Variants in CDH13 observed in about 807,000 individuals in gnomAD.
The protein encoded by CDH13 is cadherin 13, also known as cadherin-13.
In CDH13, 24 loss-of-function variants were observed where a neutral mutation model predicts 63.8. The observed-to-expected ratio is 0.38, with a 90% confidence interval of 0.27 to 0.53. The LOEUF is 0.53. Ranked by LOEUF, CDH13 falls within the 20% of genes least tolerant of loss-of-function variation. The probability of loss-of-function intolerance (pLI) is 0.85; values close to 1 mark genes in which losing one functional copy is unlikely to be tolerated. For synonymous variants in CDH13, 503 were observed against 355.3 expected (o/e 1.42, Z -4.67); for missense variants, 1,049 against 903.1 (o/e 1.16, Z -2.07).
At chr16:82,981,964 T>G (rs143240565) in intron 2 of CDH13, among the ~76,000 whole-genome samples, 2 of 152,312 alleles carry the variant, frequency 1.3e-5, no homozygotes, top group African/African-American at 4.8e-5. Flanking sequence ...CTCTTAACCT[T>G]GCTGTCTGAA....
chr16:83,520,649 A>G (rs557910092), intron 7 of CDH13, among the ~76,000 whole-genome samples: 1 of 152,306 alleles, frequency 6.6e-6, no homozygotes, highest in Admixed American at 6.5e-5. Flanking sequence ...TTGCCGCTCA[A>G]TTGCCAATTT....
intron 1 of CDH13, among the ~76,000 whole-genome samples, chr16:82,715,952 G>A (rs1024903267): frequency 1.3e-5 from 2 of 152,198 alleles, no homozygotes; most frequent in African/African-American, 4.8e-5. Flanking sequence ...CTCTTTGGTA[G>A]AAACTAAGCC....
intron 6 of CDH13, among the ~76,000 whole-genome samples, chr16:83,439,092 T>A (rs75059886): frequency 1.3e-5 from 2 of 152,240 alleles, no homozygotes; most frequent in Non-Finnish European, 2.9e-5. Context: ...TTCCAATAGC[T>A]ATGTGATCTT....
chr16:82,749,032 T>C (rs1283542669), intron 1 of CDH13, among the ~76,000 whole-genome samples: 1 of 152,200 alleles, frequency 6.6e-6, no homozygotes, highest in African/African-American at 2.4e-5. Flanking sequence ...AGTGTTGGCC[T>C]TCTCACTCCC....
intron 3 of CDH13, among the ~76,000 whole-genome samples, chr16:83,116,166 G>C (rs1371369623): frequency 1.3e-5 from 2 of 152,238 alleles, no homozygotes; most frequent in Non-Finnish European, 2.9e-5. Context: ...ACAAAAGTGA[G>C]CACTTCTTCG....
intron 6 of CDH13, among the ~76,000 whole-genome samples, chr16:83,480,639 C>A (rs1039386492): frequency 2.6e-5 from 4 of 152,146 alleles, no homozygotes; most frequent in Non-Finnish European, 5.9e-5. Context: ...GACGAAGAGA[C>A]GTGTCTACAC....
chr16:82,934,269 G>A (rs1597244086), intron 2 of CDH13, among the ~76,000 whole-genome samples: 1 of 152,212 alleles, frequency 6.6e-6, no homozygotes, highest in Admixed American at 6.5e-5. Context: ...AACACCACAT[G>A]GAAGCTGCCA....
chr16:83,294,614 G>GTATATA (rs200692863), intron 5 of CDH13, among the ~76,000 whole-genome samples: 80 of 119,574 alleles, frequency 6.7e-4, no homozygotes, highest in African/African-American at 2.1e-3. Context: ...GTGTGTGTGT[G>GTATATA]TGTGTATATA....
intron 8 of CDH13, among the ~76,000 whole-genome samples, chr16:83,609,440 T>G (rs1908658639): frequency 6.6e-6 from 1 of 152,236 alleles, no homozygotes. Flanking sequence ...GTATGAGGCA[T>G]ATTATGAGTT....
intron 11 of CDH13, among the ~76,000 whole-genome samples, chr16:83,774,274 G>A (rs1189359416): frequency 1.3e-5 from 2 of 152,154 alleles, no homozygotes; most frequent in East Asian, 1.9e-4. Flanking sequence ...TACCCAGCCT[G>A]ACTATGACAC....
At chr16:83,168,531 C>T (rs1206762021) in intron 4 of CDH13, among the ~76,000 whole-genome samples, 2 of 151,838 alleles carry the variant, frequency 1.3e-5, no homozygotes, top group Non-Finnish European at 2.9e-5. Context: ...TCCAAAATGC[C>T]GACTCCAGTA....
At chr16:83,024,586 C>T (rs1915630517) in intron 2 of CDH13, among the ~76,000 whole-genome samples, 1 of 152,150 alleles carries the variant, frequency 6.6e-6, no homozygotes, top group South Asian at 2.1e-4. Flanking sequence ...CATGCAACCT[C>T]ACTAAGTCTC....
At chr16:82,898,878 A>G (rs2041361264) in intron 2 of CDH13, among the ~76,000 whole-genome samples, 3 of 152,312 alleles carry the variant, frequency 2.0e-5, no homozygotes, top group African/African-American at 7.2e-5. Flanking sequence ...ATTTTTATTT[A>G]TTAAAGTGCT....
At chr16:83,749,550 T>C (rs1022986041) in intron 11 of CDH13, among the ~76,000 whole-genome samples, 2 of 152,188 alleles carry the variant, frequency 1.3e-5, no homozygotes, top group Admixed American at 6.5e-5. Context: ...AAAAGTCACA[T>C]CTTCAAAGCC....
At chr16:83,756,690 G>A (rs1437104660) in intron 11 of CDH13, among the ~76,000 whole-genome samples, 4 of 152,182 alleles carry the variant, frequency 2.6e-5, no homozygotes, top group African/African-American at 9.7e-5. Context: ...AACATGACAA[G>A]AGGTAAAGAG....
chr16:82,665,138 C>T (rs993058526), intron 1 of CDH13, among the ~76,000 whole-genome samples: 2 of 152,174 alleles, frequency 1.3e-5, no homozygotes, highest in African/African-American at 4.8e-5. Context: ...TTTCATACTA[C>T]AAACAAATAT....
At chr16:82,881,540 G>C (rs78375072) in intron 2 of CDH13, among the ~76,000 whole-genome samples, 5,750 of 152,270 alleles carry the variant, frequency 0.038, 143 homozygotes, top group Middle Eastern at 0.14. Context: ...TAGAGGAAAA[G>C]ACTGTCTTTA....
chr16:82,768,528 T>G (rs1261165954), intron 1 of CDH13, among the ~76,000 whole-genome samples: 1 of 152,206 alleles, frequency 6.6e-6, no homozygotes, highest in Admixed American at 6.5e-5. Context: ...CTATTAATCC[T>G]CATGGTATAA....
chr16:83,791,811 CAAA>C (rs10548547), intron 13 of CDH13, among the ~76,000 whole-genome samples: 11,616 of 95,140 alleles, frequency 0.12, 491 homozygotes, highest in African/African-American at 0.2. Context: ...ACTTTGTCTC[CAAA>C]AAAAAAAAAA....
Sources: allele counts gnomAD v4.1 joint callset (sites outside exome capture counted in the v4.1 genomes callset), GRCh38; gene constraint gnomAD v4.1.1; transcripts MANE v1.5; gene names NCBI Gene and HGNC (gene_info 2026-07-23, HGNC 2026-07-21).